RIMS2: variants seen among roughly 807,000 people sequenced by gnomAD.
RIMS2 encodes the protein regulating synaptic membrane exocytosis 2.
A neutral mutation model predicts 174.4 loss-of-function variants in RIMS2; 59 were observed. The observed-to-expected ratio is 0.34, with a 90% confidence interval of 0.27 to 0.42. The LOEUF (loss-of-function observed/expected upper bound fraction) is 0.42. Ranked by LOEUF, RIMS2 falls within the 10% of genes least tolerant of loss-of-function variation. RIMS2 has a pLI of 1.00. For missense variants in RIMS2, 1,620 were observed against 1,666.3 expected, an observed-to-expected ratio of 0.97 and a Z score of 0.48; for synonymous variants, 606 against 572.5, an observed-to-expected ratio of 1.06 and a Z score of -0.84.
In RIMS2 at chr8:103,816,044, C is replaced by G. The variant is rs79769106; in HGVS notation, c.698+49507C>G. On this transcript the variant is annotated intron_variant, in intron 3 of 23. Transcript: ENST00000504942. ...GTTCTTTCTGTTCTGACAGAAGTCT[C>G]CAATATTTATGTTACATGTGAACCT... 3.4e-3 allele frequency among the ~76,000 whole-genome samples: 522 copies of G among 152,218 alleles called. 1 individual carries two copies. The highest frequency in any genetic ancestry group is 0.012 in the African/African-American group (498 of 41,550).
intron 19 of RIMS2, among the ~76,000 whole-genome samples, chr8:104,097,727 A>G (rs12548926): frequency 0.017 from 2,639 of 152,110 alleles, 132 homozygotes; most frequent in East Asian, 0.15. Context: ...AGCAGTTAGG[A>G]TTTTGGATTT....
At chr8:103,748,253 G>A (rs1461303978) in intron 2 of RIMS2, among the ~76,000 whole-genome samples, 1 of 151,854 alleles carries the variant, frequency 6.6e-6, no homozygotes, top group Admixed American at 6.6e-5. Flanking sequence ...ACTAGACTGG[G>A]AAACATGGTG....
At chr8:103,621,062 TAC>T (rs1340954699) in intron 1 of RIMS2, among the ~76,000 whole-genome samples, 1 of 152,212 alleles carries the variant, frequency 6.6e-6, no homozygotes, top group Non-Finnish European at 1.5e-5. Context: ...AAATAAATAT[TAC>T]ACATGATGTC....
chr8:103,538,055 G>T (rs938889706), intron 1 of RIMS2, among the ~76,000 whole-genome samples: 5 of 152,174 alleles, frequency 3.3e-5, no homozygotes, highest in South Asian at 2.1e-4. Flanking sequence ...ACATTAGAAA[G>T]AATTTCCTGA....
chr8:103,725,475 G>A (rs1003055585), intron 2 of RIMS2, among the ~76,000 whole-genome samples: 2 of 152,128 alleles, frequency 1.3e-5, no homozygotes, highest in Non-Finnish European at 2.9e-5. Flanking sequence ...TCATATAAAT[G>A]AAATCATATA....
intron 1 of RIMS2, among the ~76,000 whole-genome samples, chr8:103,533,395 G>GT (rs1241918025): frequency 1.3e-5 from 2 of 152,048 alleles, no homozygotes; most frequent in Non-Finnish European, 2.9e-5. Context: ...CTTTTCTGTT[G>GT]TTTTTTATTT....
intron 19 of RIMS2, among the ~76,000 whole-genome samples, chr8:104,233,193 A>G (rs2099240737): frequency 6.6e-6 from 1 of 152,142 alleles, no homozygotes. Context: ...GTTTTTTCAT[A>G]TAGAGCATAA....
intron 21 of RIMS2, 120 bp downstream of exon 27, chr8:104,248,933 A>AT (rs3072636): frequency 0.34 from 165,789 of 481,014 alleles, 12,452 homozygotes; most frequent in East Asian, 0.47. Context: ...CTCTCCCTCT[A>AT]TTTTTTTTTT....
At chr8:103,716,109 G>GA in intron 2 of RIMS2, among the ~76,000 whole-genome samples, 200 bp from the exon 5 acceptor site, 1 of 151,618 alleles carries the variant, frequency 6.6e-6, no homozygotes, top group South Asian at 2.1e-4. Flanking sequence ...GAAATGTATG[G>GA]AAAAAAATCT....
intron 2 of RIMS2, among the ~76,000 whole-genome samples, chr8:103,716,062 T>C (rs1448709254): frequency 6.6e-6 from 1 of 151,998 alleles, no homozygotes; most frequent in Non-Finnish European, 1.5e-5. Flanking sequence ...TATCTTAATA[T>C]ATTCTCTTAT....
In RIMS2 at chr8:103,918,426, T is replaced by G; in HGVS notation, c.2037-15T>G. ...AAACAGTTTCTGTCTTTCTTTTTTT[T>G]TTTAATCATTTCAGAGATATACCGC... On this transcript the variant is annotated splice_polypyrimidine_tract_variant and intron_variant, in intron 8 of 23. Transcript: ENST00000504942. 1 of 1,524,876 alleles carries G rather than the reference T, an allele frequency of 6.6e-7. No individual in the cohort carries two copies. Among genetic ancestry groups the G allele is most frequent in the Non-Finnish European group, 8.8e-7 (1 of 1,130,694 alleles). The allele number at this position is 1,524,876 out of a possible 1,614,324, so 94.5% of individuals were successfully genotyped here. A position where few individuals can be genotyped will look rare whatever the true frequency, so the allele number is the denominator to read the frequency against.
At chr8:103,623,663 G>C (rs1380191243) in intron 1 of RIMS2, among the ~76,000 whole-genome samples, 5 of 147,746 alleles carry the variant, frequency 3.4e-5, no homozygotes, top group African/African-American at 5.0e-5. Flanking sequence ...TTTTTTTTTT[G>C]TATTTTTAGT....
intron 2 of RIMS2, among the ~76,000 whole-genome samples, chr8:103,754,107 C>T (rs1348787749): frequency 6.6e-6 from 1 of 152,108 alleles, no homozygotes; most frequent in Non-Finnish European, 1.5e-5. Context: ...TAAGTGTGTC[C>T]CAGAGATTCT....
chr8:104,004,520 A>G (rs1324455802), intron 17 of RIMS2, among the ~76,000 whole-genome samples: 6 of 152,186 alleles, frequency 3.9e-5, no homozygotes, highest in African/African-American at 1.4e-4. Context: ...GAGGGGGGAA[A>G]AAACAGGTTG....
At chr8:103,683,537 T>C (rs1159930265) in intron 1 of RIMS2, among the ~76,000 whole-genome samples, 1 of 152,178 alleles carries the variant, frequency 6.6e-6, no homozygotes, top group Non-Finnish European at 1.5e-5. Flanking sequence ...GTTCAAACCA[T>C]AGCACTTCGT....
chr8:103,864,255 G>A (rs1055835091), intron 3 of RIMS2, among the ~76,000 whole-genome samples: 4 of 151,764 alleles, frequency 2.6e-5, no homozygotes, highest in African/African-American at 9.7e-5. Flanking sequence ...GGTTGCTTCA[G>A]GTGTCACATG....
At chr8:103,531,901 T>A (rs1440567510) in intron 1 of RIMS2, among the ~76,000 whole-genome samples, 1 of 152,202 alleles carries the variant, frequency 6.6e-6, no homozygotes, top group Non-Finnish European at 1.5e-5. Context: ...TCAGCAGACT[T>A]TGTACCTGAG....
chr8:104,172,647 GA>G (rs897015300), intron 19 of RIMS2, among the ~76,000 whole-genome samples: 5 of 152,124 alleles, frequency 3.3e-5, no homozygotes, highest in African/African-American at 1.2e-4. Flanking sequence ...GCCCTTAACA[GA>G]AAAAGTTTGC....
intron 4 of RIMS2, among the ~76,000 whole-genome samples, chr8:103,904,668 C>G (rs1013558198): frequency 6.6e-6 from 1 of 152,046 alleles, no homozygotes; most frequent in East Asian, 1.9e-4. Context: ...ATTCTTTTTA[C>G]ATGTCACTGG....
Sources: gnomAD v4.1 joint callset for allele counts (sites outside exome capture counted in the v4.1 genomes callset) on GRCh38, gnomAD v4.1.1 for gene constraint, MANE v1.5 for transcripts, NCBI Gene and HGNC (gene_info 2026-07-23, HGNC 2026-07-21) for gene names.